Variants in CREBBP observed in about 807,000 individuals in gnomAD.
CREBBP encodes CREB binding lysine acetyltransferase.
A neutral mutation model predicts 265.0 loss-of-function variants in CREBBP; 19 were observed. That is an observed-to-expected ratio of 0.07 (90% confidence interval 0.05 to 0.11). The LOEUF is 0.11. Ranked by LOEUF, CREBBP falls within the 10% of genes least tolerant of loss-of-function variation. The pLI, the probability that CREBBP is intolerant of heterozygous loss-of-function variation, is 1.00. For missense variants in CREBBP, 2,525 were observed against 3,219.0 expected (o/e 0.78, Z 5.22); for synonymous variants, 1,457 against 1,223.7 (o/e 1.19, Z -3.98).
intron 1 of CREBBP, among the ~76,000 whole-genome samples, chr16:3,872,412 T>C (rs2055318809): frequency 6.6e-6 from 1 of 152,056 alleles, no homozygotes; most frequent in Non-Finnish European, 1.5e-5. Context: ...GTAGCACCCC[T>C]GTCAGCAGAG....
In CREBBP at chr16:3,842,589, T is replaced by TATC. The variant is rs556962226; in HGVS notation, c.798+7705_798+7707dup. On this transcript the variant is annotated intron_variant, in intron 2 of 30. Transcript: ENST00000262367. ...AGTAAACAAAAGAAAAAAATAGTAA[T>TATC]ATCATGTATTGTTAATATTGCCATG... Among the ~76,000 whole-genome samples the TATC allele has an allele frequency of 1.4e-3, 211 of 152,326 alleles. 8 individuals carry two copies. In the South Asian group the frequency reaches 0.043, roughly 31 times the overall value.
At chr16:3,860,881 C>G (rs1370348757) in intron 1 of CREBBP, among the ~76,000 whole-genome samples, 30 of 152,096 alleles carry the variant, frequency 2.0e-4, no homozygotes, top group Admixed American at 2.0e-3. Flanking sequence ...ACAGGAAGTG[C>G]AGTCTGGTGT....
chr16:3,849,435 GTGTGTGTGT>G (rs2054756980), intron 2 of CREBBP, among the ~76,000 whole-genome samples: 215 of 15,714 alleles, frequency 0.014, 10 homozygotes, highest in East Asian at 0.039. Context: ...GTGTGTGTGT[GTGTGTGTGT>G]GTGTGTGTGT....
chr16:3,759,114 G>A (rs1447411920), intron 16 of CREBBP, 142 bp from the exon 17 acceptor site: 1 of 723,094 alleles, frequency 1.4e-6, no homozygotes, highest in Non-Finnish European at 2.5e-6. Context: ...GTCCATCACC[G>A]TTAAGGACTA....
intron 28 of CREBBP, among the ~76,000 whole-genome samples, chr16:3,735,036 TA>T (rs2052016859): frequency 6.6e-6 from 1 of 151,742 alleles, no homozygotes; most frequent in African/African-American, 2.4e-5. Context: ...TCCCTGCACC[TA>T]CAGCTACAGC....
Position 3,810,779 on chromosome 16 carries a change from T to C in CREBBP, c.799A>G (p.Met267Val), listed in dbSNP as rs765652041. ...GGACTTGTGTTCCCAGTTATTCCCA[T>C]CTGAAACAAAAAAGAGGTAACATCA... ...NTAQAGGMAK[M>V]GITGNTSPFG... is the part of the protein sequence containing the mutation. Residue 267 changes from methionine to valine, a missense_variant and splice_region_variant, in exon 3 of 31, where the codon ATG (methionine) becomes GTG (valine). By Grantham distance (21) the Met-to-Val change is conservative (BLOSUM62 1). Transcript: ENST00000262367. 1.9e-5 allele frequency: 30 copies of C among 1,613,496 alleles called. No individual in the cohort carries two copies. The highest frequency in any genetic ancestry group is 3.3e-5 in the South Asian group (3 of 91,044).
In CREBBP at chr16:3,728,539, C is replaced by T. The variant is rs753468490; in HGVS notation, c.6508G>A (p.Ala2170Thr). 4 of 1,614,030 alleles carry T rather than the reference C, an allele frequency of 2.5e-6. No individual in the cohort carries two copies. Among genetic ancestry groups the T allele is most frequent in the African/African-American group, 1.3e-5 (1 of 75,040 alleles). ...AMGGLNPQGQALNIMNPGHNP... is the reference protein window; with the variant it reads ...AMGGLNPQGQTLNIMNPGHNP... Reference sequence around the variant, plus strand: ...TGTCCTGGGTTCATGATGTTCAAGGCCTGGCCCTGGGGGTTCAGGCCTCCC... The same window carrying T: ...TGTCCTGGGTTCATGATGTTCAAGGTCTGGCCCTGGGGGTTCAGGCCTCCC... The change falls in exon 31 of 31, where the codon GCC becomes ACC. Residue 2170 changes from alanine (A) to threonine (T), a missense_variant. Physicochemically the swap from Ala to Thr is moderately conservative, Grantham distance 58. Transcript: ENST00000262367. The surrounding 1 kb of genome is among the most constrained non-coding windows in gnomAD (Gnocchi z 8.7).
chr16:3,789,883 T>TA (rs111646959), intron 5 of CREBBP, among the ~76,000 whole-genome samples: 3,717 of 144,406 alleles, frequency 0.026, 125 homozygotes, highest in African/African-American at 0.082. Flanking sequence ...AAGGATGGTT[T>TA]AAAAAAAAAA....
intron 5 of CREBBP, among the ~76,000 whole-genome samples, chr16:3,787,393 G>A (rs761970747): frequency 9.2e-5 from 14 of 152,112 alleles, no homozygotes; most frequent in Non-Finnish European, 1.5e-4. Context: ...CATCACCCAC[G>A]ACCCTTTGGT....
chr16:3,818,075 C>T (rs978895884), intron 2 of CREBBP, among the ~76,000 whole-genome samples: 1 of 152,066 alleles, frequency 6.6e-6, no homozygotes, highest in African/African-American at 2.4e-5. Flanking sequence ...AACAAACTCC[C>T]CCAGTTTTCA....
chr16:3,757,941 G>A lies in CREBBP; in HGVS notation c.3477C>T (p.Leu1159=), dbSNP rs1352497990. 6.2e-7 allele frequency: 1 copy of A among 1,613,836 alleles called. No individual in the cohort carries two copies. The highest frequency in any genetic ancestry group is 8.5e-7 in the Non-Finnish European group (1 of 1,180,018). ...TATAGAGCCAGGCATTGTTGAACAT[G>A]AGCCAGACGTCGTCCACGTACTGCC... ...EPWQYVDDVW[L]MFNNAWLYNR... Residue 1159 remains leucine, a synonymous_variant, in exon 18 of 31, where the codon CTC becomes CTT. Transcript: ENST00000262367.
At chr16:3,787,070 C>CAAAAAAAAAAAA (rs757962926) in intron 5 of CREBBP, among the ~76,000 whole-genome samples, 998 of 86,696 alleles carry the variant, frequency 0.012, 28 homozygotes, top group African/African-American at 0.041. Context: ...GACTTCGTCT[C>CAAAAAAAAAAAA]AAAAAAAAAA....
At chr16:3,766,822 C>CA (rs2052864709) in intron 16 of CREBBP, among the ~76,000 whole-genome samples, 1 of 152,082 alleles carries the variant, frequency 6.6e-6, no homozygotes, top group African/African-American at 2.4e-5. Flanking sequence ...CCACTGTACT[C>CA]AAATTTCTCA....
chr16:3,830,804 A>G (rs1413612389), intron 2 of CREBBP, among the ~76,000 whole-genome samples: 1 of 152,154 alleles, frequency 6.6e-6, no homozygotes, highest in Non-Finnish European at 1.5e-5. Context: ...TTTTTATGAG[A>G]CAGAGTCTTG....
At chr16:3,792,454 C>G (rs553322927) in intron 4 of CREBBP, among the ~76,000 whole-genome samples, 22 of 152,298 alleles carry the variant, frequency 1.4e-4, no homozygotes, top group African/African-American at 5.3e-4. Context: ...AATTATGTTT[C>G]AAGATGAAAC....
chr16:3,836,687 T>A (rs1300844927), intron 2 of CREBBP, among the ~76,000 whole-genome samples: 1 of 152,164 alleles, frequency 6.6e-6, no homozygotes, highest in African/African-American at 2.4e-5. Context: ...AAAATATAGG[T>A]AGGTCTTTAA....
At position 3,773,790 on chromosome 16, in the gene CREBBP, C is replaced by T. The variant is rs765296662; in HGVS notation, c.2424G>A (p.Val808=). The T allele has an allele frequency of 1.2e-6, 2 of 1,613,740 alleles. No individual in the cohort carries two copies. Among genetic ancestry groups the T allele is most frequent in the Non-Finnish European group, 1.7e-6 (2 of 1,180,038 alleles). ...TTTGGGCTGGCGGCTGCCCCATGCC[C>T]ACACTCATCGCCCCGCTGGATGACG... is the stretch of plus-strand genomic sequence containing the variant. ...QFPSSSGAMS[V]GMGQPPAQTG... Residue 808 remains valine (V), a synonymous_variant, in exon 13 of 31, where the codon GTG becomes GTA. Coordinates refer to ENST00000262367, the MANE Select transcript of CREBBP (RefSeq NM_004380.3).
intron 1 of CREBBP, among the ~76,000 whole-genome samples, chr16:3,860,574 T>C (rs113571702): frequency 4.6e-5 from 7 of 152,340 alleles, no homozygotes; most frequent in African/African-American, 7.2e-5. Context: ...CACATGTTAA[T>C]TGGCTCAATT....
At chr16:3,746,147 A>G (rs129976) in intron 21 of CREBBP, among the ~76,000 whole-genome samples, 23,636 of 152,084 alleles carry the variant, frequency 0.16, 4,766 homozygotes, top group African/African-American at 0.46. Flanking sequence ...CTCCGAGGAT[A>G]GGCTGAAGGG....
Sources: allele counts gnomAD v4.1 joint callset (sites outside exome capture counted in the v4.1 genomes callset), GRCh38; gene constraint gnomAD v4.1.1; non-coding constraint Gnocchi (gnomAD v3.1); transcripts MANE v1.5; gene names NCBI Gene and HGNC (gene_info 2026-07-23, HGNC 2026-07-21).